MYO18B: variants seen among roughly 807,000 people sequenced by gnomAD.
The protein encoded by MYO18B is unconventional myosin-XVIIIb.
Under a neutral mutation model 273.0 loss-of-function variants are expected in MYO18B, and 204 were observed. The observed-to-expected ratio is 0.75, with a 90% CI of 0.67 to 0.84. The LOEUF (loss-of-function observed/expected upper bound fraction) is 0.84, where lower values mean the gene tolerates loss of function less well. Ranked by LOEUF, MYO18B falls within the 40% of genes least tolerant of loss-of-function variation. The pLI is 0.00. For synonymous variants in MYO18B, 1,330 were observed against 1,305.7 expected (o/e 1.02, Z -0.40); for missense variants, 3,212 against 3,287.6 (o/e 0.98, Z 0.56).
chr22:26,063,602 A>G, the MYO18B span, among the ~76,000 whole-genome samples: 1 of 152,132 alleles, frequency 6.6e-6, no homozygotes, highest in African/African-American at 2.4e-5. Flanking sequence ...GCTGGTTTCC[A>G]TCTCTGATCA....
chr22:25,877,924 T>A, intron 24 of MYO18B, 35 bp from the exon 25 acceptor site: 1 of 1,535,306 alleles, frequency 6.5e-7, no homozygotes, highest in Non-Finnish European at 8.8e-7. Context: ...ATCTCTGGCC[T>A]GGAATGGTTT....
intron 36 of MYO18B, among the ~76,000 whole-genome samples, chr22:25,949,927 G>A (rs2092771542): frequency 2.0e-5 from 3 of 152,068 alleles, no homozygotes; most frequent in Admixed American, 6.5e-5. Context: ...AACCCAATAC[G>A]GAAAGGCTGA....
intron 39 of MYO18B, among the ~76,000 whole-genome samples, chr22:25,959,849 A>T (rs1261316974): frequency 6.6e-6 from 1 of 152,200 alleles, no homozygotes; most frequent in Non-Finnish European, 1.5e-5. Flanking sequence ...TAAAGCTCTC[A>T]CCAGGTCACC....
At chr22:26,007,204 A>G (rs148355473) in intron 42 of MYO18B, among the ~76,000 whole-genome samples, 2 of 152,198 alleles carry the variant, frequency 1.3e-5, no homozygotes, top group Non-Finnish European at 2.9e-5. Context: ...CCACATCCCC[A>G]GGGCTGGCTC....
At chr22:25,792,605 C>T (rs2087728524) in intron 11 of MYO18B, among the ~76,000 whole-genome samples, 1 of 149,512 alleles carries the variant, frequency 6.7e-6, no homozygotes, top group Non-Finnish European at 1.5e-5. Flanking sequence ...AGCCATTCGC[C>T]TGCCTTAGCC....
At chr22:25,826,217 T>C (rs921626661) in intron 13 of MYO18B, among the ~76,000 whole-genome samples, 192 bp from the exon 14 acceptor site, 3 of 152,160 alleles carry the variant, frequency 2.0e-5, no homozygotes, top group Non-Finnish European at 2.9e-5. Context: ...GCAGGTTACA[T>C]AGGACGCTGT....
chr22:25,908,840 C>G (rs1226628339), intron 32 of MYO18B, among the ~76,000 whole-genome samples: 2 of 152,192 alleles, frequency 1.3e-5, no homozygotes, highest in Non-Finnish European at 2.9e-5. Flanking sequence ...GCAATAACCC[C>G]TTGACATGTT....
intron 39 of MYO18B, among the ~76,000 whole-genome samples, chr22:25,972,484 G>A (rs1012691061): frequency 6.6e-6 from 1 of 152,210 alleles, no homozygotes; most frequent in Non-Finnish European, 1.5e-5. Flanking sequence ...TCGCAGATCA[G>A]CAGCCTTGGC....
intron 40 of MYO18B, among the ~76,000 whole-genome samples, chr22:25,997,320 A>C (rs12158398): frequency 6.7e-6 from 1 of 149,920 alleles, no homozygotes; most frequent in Non-Finnish European, 1.5e-5. Context: ...AAAAAAAAAA[A>C]AAAAAAAAAA....
chr22:25,761,693 T>C (rs957616698), intron 2 of MYO18B, among the ~76,000 whole-genome samples: 16 of 152,184 alleles, frequency 1.1e-4, no homozygotes, highest in Non-Finnish European at 2.2e-4. Flanking sequence ...ACCTTGTGCA[T>C]GTGATTTGAT....
At chr22:26,040,189 T>G in the MYO18B span, among the ~76,000 whole-genome samples, 1 of 152,232 alleles carries the variant, frequency 6.6e-6, no homozygotes, top group Admixed American at 6.5e-5. Context: ...CAAGACATTA[T>G]TCCATTCTTT....
chr22:26,031,669 G>T (rs1416408758), downstream of MYO18B, among the ~76,000 whole-genome samples: 1 of 152,146 alleles, frequency 6.6e-6, no homozygotes, highest in African/African-American at 2.4e-5. Context: ...AACTGGTAAG[G>T]TCACTCCAAA....
chr22:25,923,740 T>TC (rs1344190253), intron 34 of MYO18B, among the ~76,000 whole-genome samples: 3 of 152,070 alleles, frequency 2.0e-5, no homozygotes, highest in African/African-American at 7.2e-5. Flanking sequence ...GTTGAGCAAC[T>TC]CCCTTGGCAG....
chr22:25,889,298 G>C (rs1027832163), intron 25 of MYO18B, among the ~76,000 whole-genome samples: 23 of 152,114 alleles, frequency 1.5e-4, no homozygotes, highest in African/African-American at 4.3e-4. Flanking sequence ...CAGCTACGTT[G>C]CTCATTGTAA....
intron 11 of MYO18B, among the ~76,000 whole-genome samples, chr22:25,795,673 G>T (rs1057509253): frequency 1.3e-5 from 2 of 152,212 alleles, no homozygotes; most frequent in African/African-American, 4.8e-5. Flanking sequence ...TGAGCTCCTG[G>T]TTGCTAGGGA....
At chr22:25,749,584 G>T (rs537565247) in intron 1 of MYO18B, among the ~76,000 whole-genome samples, 1 of 152,336 alleles carries the variant, frequency 6.6e-6, no homozygotes, top group South Asian at 2.1e-4. Flanking sequence ...GAGCAAGAGA[G>T]CCTGGGGGTA....
In MYO18B at chr22:25,819,773, T is replaced by C. The variant is rs192621486; in HGVS notation, c.2522-3732T>C. Among the ~76,000 whole-genome samples the C allele has an allele frequency of 5.9e-5, 9 of 152,232 alleles. No individual in the cohort carries two copies. The East Asian group carries it at 1.7e-3, about 30-fold the overall frequency. On this transcript the variant is annotated intron_variant, in intron 12 of 43. Coordinates refer to ENST00000335473, the MANE Select transcript of MYO18B (RefSeq NM_032608.7). ...AAAGATGATATTTGAAGGACTGATT[T>C]TGGTGAAAATGTAGTTCTTCCACTT...
At chr22:25,898,520 G>A (rs1472276779) in intron 29 of MYO18B, 59 bp downstream of exon 29, 61 of 1,573,272 alleles carry the variant, frequency 3.9e-5, no homozygotes, top group South Asian at 1.8e-4. Context: ...TGGAGCTGGC[G>A]TTTTCTGGGG....
At chr22:25,896,887 C>T (rs143567517) in intron 28 of MYO18B, 1 of 152,308 alleles carries the variant, frequency 6.6e-6, no homozygotes, top group Non-Finnish European at 1.5e-5. Flanking sequence ...ACAGAATTAG[C>T]TCTGTGCATC....
Sources: allele counts gnomAD v4.1 joint callset (sites outside exome capture counted in the v4.1 genomes callset), GRCh38; gene constraint gnomAD v4.1.1; transcripts MANE v1.5; gene names NCBI Gene and HGNC (gene_info 2026-07-23, HGNC 2026-07-21).